Variants in CFHR5 observed in about 807,000 individuals in gnomAD.
The protein encoded by CFHR5 is complement factor H related 5.
CFHR5 carries 73 observed loss-of-function variants against 62.9 expected under a neutral mutation model. That is an observed-to-expected ratio of 1.16 (90% CI 0.96 to 1.41). CFHR5 has a LOEUF of 1.41. Among genes scored for constraint, CFHR5 ranks in the 40% most tolerant of loss-of-function variants. The pLI is 0.00. For missense variants in CFHR5, 779 were observed against 679.9 expected, an observed-to-expected ratio of 1.15 and a Z score of -1.62; for synonymous variants, 249 against 227.2, an observed-to-expected ratio of 1.10 and a Z score of -0.86.
chr1:196,988,024 T>C (rs1345330698), intron 3 of CFHR5, among the ~76,000 whole-genome samples: 2 of 152,188 alleles, frequency 1.3e-5, no homozygotes, highest in Admixed American at 1.3e-4. Flanking sequence ...TTCCATTTGT[T>C]TGTGTCCTCT....
chr1:196,988,171 G>C (rs1191836090), intron 3 of CFHR5, among the ~76,000 whole-genome samples: 1 of 152,116 alleles, frequency 6.6e-6, no homozygotes, highest in Non-Finnish European at 1.5e-5. Context: ...CTCTCTGTCT[G>C]TCTGTTATTG....
At chr1:196,976,306 T>G (rs1653392860), upstream of CFHR5, among the ~76,000 whole-genome samples, 1 of 152,178 alleles carries the variant, frequency 6.6e-6, no homozygotes, top group Non-Finnish European at 1.5e-5. Flanking sequence ...TAAATTTCTC[T>G]CAGGCTGGGC....
At chr1:196,979,673 A>G (rs761756058) in intron 1 of CFHR5, among the ~76,000 whole-genome samples, 3 of 152,212 alleles carry the variant, frequency 2.0e-5, no homozygotes, top group Non-Finnish European at 4.4e-5. Context: ...GCACATTACC[A>G]TACACTACTG....
intron 3 of CFHR5, among the ~76,000 whole-genome samples, chr1:196,990,620 T>A (rs1229061377): frequency 6.6e-6 from 1 of 152,202 alleles, no homozygotes; most frequent in Non-Finnish European, 1.5e-5. Context: ...TAATTCTTCT[T>A]CACTTATGAA....
In CFHR5 at chr1:196,984,065, C is replaced by T; in HGVS notation, c.358C>T (p.Leu120Phe). 1.2e-6 allele frequency: 2 copies of T among 1,613,674 alleles called. No homozygotes were observed. Among genetic ancestry groups the T allele is most frequent in the South Asian group, 2.2e-5 (2 of 91,044 alleles). Residue 120 changes from leucine to phenylalanine, a missense_variant, in exon 3 of 10, where the codon CTT (leucine) becomes TTT (phenylalanine). Physicochemically the swap from Leu to Phe is conservative, Grantham distance 22. Transcript: ENST00000256785. ...VQIICNTGYSLQNNEKNISCV... is the reference protein window; with the variant it reads ...VQIICNTGYSFQNNEKNISCV... ...AATTATTTGCAACACAGGATACAGC[C>T]TTCAAAACAATGAGAAAAACATTTC...
intron 1 of CFHR5, among the ~76,000 whole-genome samples, chr1:196,982,477 G>T (rs780318007): frequency 1.1e-4 from 16 of 152,126 alleles, no homozygotes; most frequent in Non-Finnish European, 2.4e-4. Flanking sequence ...TTTGACACCA[G>T]TCTGGCCAAT....
intron 3 of CFHR5, among the ~76,000 whole-genome samples, chr1:196,987,617 G>C (rs1278542726): frequency 6.6e-6 from 1 of 152,098 alleles, no homozygotes; most frequent in Non-Finnish European, 1.5e-5. Flanking sequence ...TATTAAATAG[G>C]GAATCCTTTC....
chr1:197,002,755 A>C, intron 8 of CFHR5, 91 bp downstream of exon 8: 1 of 1,069,088 alleles, frequency 9.4e-7, no homozygotes, highest in Non-Finnish European at 1.4e-6. Flanking sequence ...ACTTATGACT[A>C]ATCTGTTGCA....
At chr1:196,996,553 G>A (rs540348571) in intron 6 of CFHR5, among the ~76,000 whole-genome samples, 1 of 152,200 alleles carries the variant, frequency 6.6e-6, no homozygotes, top group Non-Finnish European at 1.5e-5. Context: ...TTGAATTTCT[G>A]TATTAGTTCT....
At chr1:196,976,241 A>G (rs2125023084), upstream of CFHR5, among the ~76,000 whole-genome samples, 1 of 152,290 alleles carries the variant, frequency 6.6e-6, no homozygotes, top group South Asian at 2.1e-4. Flanking sequence ...ACCATAAGTA[A>G]GTTTCCTCTT....
At chr1:197,006,759 T>C (rs1654299443) in intron 9 of CFHR5, among the ~76,000 whole-genome samples, 1 of 152,080 alleles carries the variant, frequency 6.6e-6, no homozygotes, top group South Asian at 2.1e-4. Context: ...ATAAATTTAT[T>C]TGGATGGTTC....
At chr1:196,990,260 G>A (rs1185107855) in intron 3 of CFHR5, among the ~76,000 whole-genome samples, 2 of 151,258 alleles carry the variant, frequency 1.3e-5, no homozygotes, top group Non-Finnish European at 2.9e-5. Flanking sequence ...GAGCCTATGT[G>A]TGTCTCTGCA....
chr1:196,977,725 A>G lies in CFHR5; in HGVS notation c.58+3A>G. On this transcript the variant is annotated splice_donor_region_variant and intron_variant, in intron 1 of 9. Coordinates refer to ENST00000256785, the MANE Select transcript of CFHR5 (RefSeq NM_030787.4). ...GGTATCCACTGTTGGGGGAGAAGGT[A>G]AGTTGAAAACAGATCCGAATATTTT... The G allele has an allele frequency of 6.2e-7, 1 of 1,609,434 alleles. No homozygotes were observed. The highest frequency in any genetic ancestry group is 1.7e-4 in the Middle Eastern group (1 of 6,046).
At chr1:196,999,705 A>G (rs1239265815) in intron 7 of CFHR5, among the ~76,000 whole-genome samples, 2 of 52,752 alleles carry the variant, frequency 3.8e-5, no homozygotes, top group East Asian at 4.6e-3. Flanking sequence ...ATATATATAT[A>G]TATATATATA....
intron 8 of CFHR5, among the ~76,000 whole-genome samples, chr1:197,004,006 G>A (rs1654216833): frequency 6.6e-6 from 1 of 152,080 alleles, no homozygotes; most frequent in African/African-American, 2.4e-5. Context: ...GAAACTAGAG[G>A]ATGTACAAGC....
At chr1:196,975,264 G>A (rs1653370306), upstream of CFHR5, among the ~76,000 whole-genome samples, 1 of 152,164 alleles carries the variant, frequency 6.6e-6, no homozygotes, top group South Asian at 2.1e-4. Flanking sequence ...TTAAAGTAGA[G>A]ATTGTAGATA....
intron 2 of CFHR5, among the ~76,000 whole-genome samples, chr1:196,983,312 T>C (rs1653591954): frequency 6.6e-6 from 1 of 152,206 alleles, no homozygotes; most frequent in Non-Finnish European, 1.5e-5. Context: ...ACATTAATTT[T>C]TTTAAACTGA....
At position 197,009,056 on chromosome 1, in the gene CFHR5, G is replaced by C. The variant is rs2125042037; in HGVS notation, c.*373G>C. On this transcript the variant is annotated 3_prime_UTR_variant, in exon 10 of 10. Transcript: ENST00000256785. The stretch of plus-strand genomic sequence containing the variant: ...GAAGGCATCACAACATGGTGGAAGG[G>C]ATCACGTGGCAAAAGAGCATGTACA... 1 of 172,150 alleles carries C rather than the reference G, an allele frequency of 5.8e-6. No homozygotes were observed. The highest frequency in any genetic ancestry group is 1.5e-4 in the East Asian group (1 of 6,750). 10.7% of individuals were successfully genotyped at this position (172,150 alleles called of 1,614,324 possible). A position where few individuals can be genotyped will look rare whatever the true frequency, so the allele number is the denominator to read the frequency against.
chr1:197,001,809 T>A (rs2125038447), intron 7 of CFHR5, among the ~76,000 whole-genome samples: 1 of 149,424 alleles, frequency 6.7e-6, no homozygotes, highest in South Asian at 2.1e-4. Context: ...TAGTAGACAG[T>A]AGCCACCACT....
Sources: allele counts gnomAD v4.1 joint callset (sites outside exome capture counted in the v4.1 genomes callset), GRCh38; gene constraint gnomAD v4.1.1; transcripts MANE v1.5; gene names NCBI Gene and HGNC (gene_info 2026-07-23, HGNC 2026-07-21).